The following ERO1A variants were observed in gnomAD, a reference collection of about 807,000 sequenced individuals.
ERO1A encodes endoplasmic reticulum oxidoreductase 1 alpha.
In ERO1A, 49 loss-of-function variants were observed where a neutral mutation model predicts 76.9. The observed-to-expected ratio is 0.64, with a 90% CI of 0.51 to 0.81. ERO1A has a LOEUF of 0.81. Ranked by LOEUF, ERO1A falls within the 30% of genes least tolerant of loss-of-function variation. ERO1A has a pLI of 0.00. For missense variants in ERO1A, 448 were observed against 542.1 expected (o/e 0.83, Z 1.72); for synonymous variants, 174 against 181.2 (o/e 0.96, Z 0.32).
intron 2 of ERO1A, 68 bp downstream of exon 2, chr14:52,683,720 G>A: frequency 1.4e-6 from 1 of 718,170 alleles, no homozygotes; most frequent in Non-Finnish European, 2.1e-6. Context: ...TTGAAGCTCA[G>A]TAATTCTTAA....
intron 1 of ERO1A, among the ~76,000 whole-genome samples, chr14:52,687,357 G>A (rs985864035): frequency 2.0e-4 from 30 of 152,172 alleles, no homozygotes; most frequent in African/African-American, 7.0e-4. Flanking sequence ...TTGAGCCTGG[G>A]AAGTCGAAGC....
At position 52,679,816 on chromosome 14, in the gene ERO1A, C is replaced by T. The variant is rs562848187; in HGVS notation, c.319-1344G>A. On this transcript the variant is annotated intron_variant, in intron 3 of 15. Coordinates refer to ENST00000395686, the MANE Select transcript of ERO1A (RefSeq NM_014584.3). ...CCATAATCCCAGCACTTTGGGATGC[C>T]AAGGCGGGTGGATCATCTGAGCTCA... is the stretch of plus-strand genomic sequence containing the variant. 2.6e-5 allele frequency among the ~76,000 whole-genome samples: 4 copies of T among 152,168 alleles called. No individual in the cohort carries two copies. The East Asian group carries it at 7.8e-4, about 30-fold the overall frequency.
intron 4 of ERO1A, among the ~76,000 whole-genome samples, chr14:52,677,864 T>TAAA (rs71267893): frequency 0.11 from 9,862 of 86,850 alleles, 727 homozygotes; most frequent in South Asian, 0.16. Flanking sequence ...CCTTTTATCT[T>TAAA]AAAAAAAAAA....
At chr14:52,677,571 T>C (rs1411192981) in intron 4 of ERO1A, among the ~76,000 whole-genome samples, 2 of 152,000 alleles carry the variant, frequency 1.3e-5, no homozygotes, top group Non-Finnish European at 2.9e-5. Flanking sequence ...TAGGTAAAAA[T>C]TAAAGAAATC....
intron 13 of ERO1A, among the ~76,000 whole-genome samples, chr14:52,649,524 T>G (rs902087592): frequency 2.0e-5 from 3 of 152,142 alleles, no homozygotes; most frequent in African/African-American, 7.2e-5. Flanking sequence ...CTAAACTTCA[T>G]AGGACATTAA....
intron 1 of ERO1A, among the ~76,000 whole-genome samples, chr14:52,687,056 A>G (rs1437916555): frequency 6.6e-6 from 1 of 152,198 alleles, no homozygotes; most frequent in Non-Finnish European, 1.5e-5. Flanking sequence ...GACAACTCAG[A>G]TAAGCCTGCC....
intron 7 of ERO1A, 186 bp from the exon 8 acceptor site, chr14:52,664,033 C>T: frequency 2.4e-6 from 1 of 418,956 alleles, no homozygotes; most frequent in Non-Finnish European, 4.4e-6. Context: ...ATAATAGTTC[C>T]TGATCTTCTC....
chr14:52,646,412 A>C lies in ERO1A; in HGVS notation c.1175T>G (p.Val392Gly). 1 of 1,613,336 alleles carries C rather than the reference A, an allele frequency of 6.2e-7. No homozygotes were observed. Residue 392 changes from valine to glycine, a missense_variant, in exon 14 of 16, where the codon GTT becomes GGT. Around this residue, in one of 2 missense-constraint regions of ERO1A, gnomAD observed 302 missense variants for 411.9 expected, o/e 0.73. Transcript: ENST00000395686. ...CCACAGACGACATTTAAAACAACCA[A>C]CACAATCCATAATTCTTGAAATATT... ...FRNISRIMDC[V>G]GCFKCRLWGK...
At chr14:52,691,608 C>T (rs2357804) in intron 1 of ERO1A, among the ~76,000 whole-genome samples, 19,513 of 152,234 alleles carry the variant, frequency 0.13, 1,376 homozygotes, top group South Asian at 0.24. Flanking sequence ...TTCAACTGAC[C>T]TAACAAGACA....
At chr14:52,682,856 G>A (rs2041046438) in intron 2 of ERO1A, among the ~76,000 whole-genome samples, 1 of 151,446 alleles carries the variant, frequency 6.6e-6, no homozygotes, top group Non-Finnish European at 1.5e-5. Context: ...CCAAGGTCAT[G>A]CCACCACACT....
At chr14:52,670,302 A>G (rs754340565) in intron 6 of ERO1A, among the ~76,000 whole-genome samples, 23 of 152,278 alleles carry the variant, frequency 1.5e-4, no homozygotes, top group Non-Finnish European at 2.6e-4. Flanking sequence ...TTAAGAGGCT[A>G]ACAATTCAAC....
chr14:52,688,883 T>C (rs1427730637), intron 1 of ERO1A, among the ~76,000 whole-genome samples: 3 of 152,276 alleles, frequency 2.0e-5, no homozygotes, highest in Admixed American at 1.3e-4. Context: ...TTTTCTTGTA[T>C]ACCAATATAT....
Position 52,643,526 on chromosome 14 carries a change from TC to T in ERO1A, c.*43del, listed in dbSNP as rs1284022778. ...TGCCTTTGAATGAAATTCCACTCTT[TC>T]GCCTCCATTGTCCAGAAACAGGCAC... On this transcript the variant is annotated 3_prime_UTR_variant, in exon 16 of 16. Transcript: ENST00000395686. 2 of 1,290,560 alleles carry T rather than the reference TC, an allele frequency of 1.5e-6. No individual in the cohort carries two copies. The highest frequency in any genetic ancestry group is 3.1e-5 in the Admixed American group (1 of 32,446). 79.9% of individuals were successfully genotyped at this position (1,290,560 alleles called of 1,614,324 possible).
chr14:52,671,940 G>A lies in ERO1A; in HGVS notation c.358-69C>T, dbSNP rs547543257. The A allele has an allele frequency of 1.2e-5, 12 of 1,021,626 alleles. 1 individual carries two copies. The South Asian group carries it at 1.6e-4, about 14-fold the overall frequency. 63.3% of individuals were successfully genotyped at this position (1,021,626 alleles called of 1,614,324 possible). On this transcript the variant is annotated intron_variant, in intron 4 of 15. Coordinates refer to ENST00000395686, the MANE Select transcript of ERO1A (RefSeq NM_014584.3). The stretch of plus-strand genomic sequence containing the variant: ...TTTAAAACTTGTTTAAAATTTAGAA[G>A]TTATCTGAAGCTCTTTTTATTTTTT...
intron 11 of ERO1A, among the ~76,000 whole-genome samples, chr14:52,656,992 C>A (rs1027462700): frequency 6.6e-6 from 1 of 152,054 alleles, no homozygotes; most frequent in Non-Finnish European, 1.5e-5. Context: ...GGACTCAGGA[C>A]ACTGGACCAA....
intron 6 of ERO1A, 195 bp downstream of exon 6, chr14:52,671,435 A>T: frequency 4.7e-6 from 2 of 427,810 alleles, no homozygotes; most frequent in Non-Finnish European, 8.3e-6. Context: ...TTCTTTAATA[A>T]CTTTTTTCTG....
chr14:52,641,899 ATATT>A lies in ERO1A; in HGVS notation c.*1667_*1670del, dbSNP rs1321588747. The A allele has an allele frequency of 3.3e-5, 5 of 152,182 alleles. No homozygotes were observed. Among genetic ancestry groups the A allele is most frequent in the Admixed American group, 3.3e-4 (5 of 15,276 alleles). 9.4% of individuals were successfully genotyped at this position (152,182 alleles called of 1,614,324 possible). A position where few individuals can be genotyped will look rare whatever the true frequency, so the allele number is the denominator to read the frequency against. The stretch of plus-strand genomic sequence containing the variant: ...ACATATGCATACATTCATCCAACAA[ATATT>A]TATTGGATACCAAGTATGTGCTTGG... On this transcript the variant is annotated 3_prime_UTR_variant, in exon 16 of 16. Transcript: ENST00000395686.
intron 4 of ERO1A, among the ~76,000 whole-genome samples, chr14:52,674,398 A>G (rs983951660): frequency 1.3e-5 from 2 of 152,032 alleles, no homozygotes; most frequent in Non-Finnish European, 2.9e-5. Context: ...GGGGTCTCAC[A>G]ATGTTGCCCA....
chr14:52,641,070 G>C lies in ERO1A; in HGVS notation c.*2500C>G, dbSNP rs187733266. 4 of 152,292 alleles carry C rather than the reference G, an allele frequency of 2.6e-5. No individual in the cohort carries two copies. In the East Asian group the frequency reaches 7.7e-4, roughly 29 times the overall value. 9.4% of individuals were successfully genotyped at this position (152,292 alleles called of 1,614,324 possible). A position where few individuals can be genotyped will look rare whatever the true frequency, so the allele number is the denominator to read the frequency against. On this transcript the variant is annotated 3_prime_UTR_variant, in exon 16 of 16. Transcript: ENST00000395686. ...AAAAGGTGGGGGGTGGTTCAGGAGT[G>C]AGCAAAATGTAAGAAGTCAAGGGAA...
Sources: gnomAD v4.1 joint callset for allele counts (sites outside exome capture counted in the v4.1 genomes callset) on GRCh38, gnomAD v4.1.1 for gene constraint, gnomAD v4.1.1 regional missense constraint, MANE v1.5 for transcripts, NCBI Gene and HGNC (gene_info 2026-07-23, HGNC 2026-07-21) for gene names.